The following PNKP variants were observed in gnomAD, a reference collection of about 807,000 sequenced individuals.
The protein encoded by PNKP is polynucleotide kinase 3'-phosphatase.
Under a neutral mutation model 66.2 loss-of-function variants are expected in PNKP, and 82 were observed. That is an observed-to-expected ratio of 1.24 (90% CI 1.04 to 1.49). The LOEUF is 1.49. PNKP is among the 40% of genes most tolerant of loss of function. PNKP has a pLI of 0.00. For missense variants in PNKP, 907 were observed against 706.8 expected (o/e 1.28, Z -3.21); for synonymous variants, 412 against 298.9 (o/e 1.38, Z -3.90).
At chr19:49,866,509 G>C (rs1412043246) in intron 2 of PNKP, 64 bp from the exon 3 acceptor site, 1 of 1,499,982 alleles carries the variant, frequency 6.7e-7, no homozygotes, top group Admixed American at 1.7e-5. Context: ...TCATTTCTGG[G>C]GAGTGTGGCC....
chr19:49,865,598 A>G (rs1479602156), intron 3 of PNKP, 172 bp from the exon 4 acceptor site: 5 of 527,886 alleles, frequency 9.5e-6, no homozygotes, highest in Non-Finnish European at 1.7e-5. Context: ...GCCTTGTCCG[A>G]ATCTTTTTTT....
rs772727116 is a variant in PNKP at position 49,862,408 on chromosome 19, C to T, written c.992G>A (p.Trp331Ter). 4.5e-6 allele frequency: 7 copies of T among 1,568,834 alleles called. No homozygotes were observed. Among genetic ancestry groups the T allele is most frequent in the Middle Eastern group, 1.7e-4 (1 of 5,910 alleles). Residue 331 changes from tryptophan (W) to a stop codon, truncating the protein, a stop_gained, in exon 11 of 17, where the codon TGG (tryptophan) becomes TAG (stop). Coordinates refer to ENST00000322344, the MANE Select transcript of PNKP (RefSeq NM_007254.4). LOFTEE classifies it high-confidence loss of function. ...TGGGAGCTCGAAGCCGGCTGCTGGC[C>T]ACTTGAGAAAGAACTCCTCAGGCGT... ...FATPEEFFLK[W>*]PAAGFELPAF...
At chr19:49,863,189 A>G (rs935125883) in intron 8 of PNKP, among the ~76,000 whole-genome samples, 1 of 151,836 alleles carries the variant, frequency 6.6e-6, no homozygotes, top group African/African-American at 2.4e-5. Context: ...TCACTCCCAC[A>G]AGGGGGGGGA....
Position 49,866,392 on chromosome 19 carries a change from C to G in PNKP, c.198+7G>C. 1.9e-6 allele frequency: 3 copies of G among 1,613,042 alleles called. No individual in the cohort carries two copies. Among genetic ancestry groups the G allele is most frequent in the Non-Finnish European group, 2.5e-6 (3 of 1,178,970 alleles). ...GGCCTTGCTGGCCCTTGCAGAGGCA[C>G]TGATACCTGTTTCACTGCCACTGTC... On this transcript the variant is annotated splice_region_variant and intron_variant, in intron 3 of 16. Transcript: ENST00000322344.
intron 14 of PNKP, 30 bp from the exon 15 acceptor site, chr19:49,861,725 C>G (rs1424445765): frequency 4.5e-6 from 7 of 1,548,914 alleles, no homozygotes; most frequent in African/African-American, 1.4e-5. Flanking sequence ...ATGTGCAGGC[C>G]CCGCCCACCC....
In PNKP at chr19:49,864,662, T is replaced by G. The variant is rs547766162; in HGVS notation, c.499-259A>C. On this transcript the variant is annotated intron_variant, in intron 4 of 16. Coordinates refer to ENST00000322344, the MANE Select transcript of PNKP (RefSeq NM_007254.4). ...ACAGTCTTTAAAATGGGGGTTAATGTCTTACCCAGCCTCCTTCTTCCCCTG... is the reference window on the plus strand; with the variant it reads ...ACAGTCTTTAAAATGGGGGTTAATGGCTTACCCAGCCTCCTTCTTCCCCTG... Among the ~76,000 whole-genome samples, 6 of 152,268 alleles carry G rather than the reference T, an allele frequency of 3.9e-5. No homozygotes were observed. In the East Asian group the frequency reaches 1.2e-3, roughly 29 times the overall value.
intron 3 of PNKP, 21 bp downstream of exon 3, chr19:49,866,378 C>G: frequency 6.2e-7 from 1 of 1,610,602 alleles, no homozygotes; most frequent in Non-Finnish European, 8.5e-7. Context: ...GCCTTGCTGG[C>G]CCTTGCAGAG....
Position 49,861,859 on chromosome 19 carries a change from C to T in PNKP, c.1211G>A (p.Arg404His), listed in dbSNP as rs549069697. 2.8e-5 allele frequency: 45 copies of T among 1,591,890 alleles called. No individual in the cohort carries two copies. In the African/African-American group the frequency reaches 3.5e-4, roughly 12 times the overall value. ...GGCTGTCTCACACGTGGTCACACAGCGCTGCCAGGAGCCTAGCGTGTCCTG... is the reference window on the plus strand; with the variant it reads ...GGCTGTCTCACACGTGGTCACACAGTGCTGCCAGGAGCCTAGCGTGTCCTG... ...VNRDTLGSWQ[R>H]CVTTCETALK... is the part of the protein sequence containing the mutation. Residue 404 changes from arginine to histidine, a missense_variant, in exon 14 of 17, where the codon CGC becomes CAC. By Grantham distance (29) the Arg-to-His change is conservative. Coordinates refer to ENST00000322344, the MANE Select transcript of PNKP (RefSeq NM_007254.4).
At position 49,862,523 on chromosome 19, in the gene PNKP, G is replaced by C. The variant is rs1408686073; in HGVS notation, c.936+15C>G. On this transcript the variant is annotated intron_variant, in intron 10 of 16. Transcript: ENST00000322344. ...GGGTCGGGCTCGGGCGCGGGGCAGG[G>C]GGCAGGGGCCTCACCAGGCGATCGG... 2 of 1,606,478 alleles carry C rather than the reference G, an allele frequency of 1.2e-6. No homozygotes were observed. The highest frequency in any genetic ancestry group is 1.3e-5 in the African/African-American group (1 of 74,878).
Position 49,862,165 on chromosome 19 carries a change from C to G in PNKP, c.1126+20G>C, listed in dbSNP as rs747411384. 6.2e-7 allele frequency: 1 copy of G among 1,613,690 alleles called. No individual in the cohort carries two copies. The highest frequency in any genetic ancestry group is 1.1e-5 in the South Asian group (1 of 91,070). Reference sequence around the variant, plus strand: ...ACCCAGGCGGGGCTCAGGGCACGCGCACAGGAACAGGACACTTACCCCCAG... The same window carrying G: ...ACCCAGGCGGGGCTCAGGGCACGCGGACAGGAACAGGACACTTACCCCCAG... On this transcript the variant is annotated intron_variant, in intron 12 of 16. Coordinates refer to ENST00000322344, the MANE Select transcript of PNKP (RefSeq NM_007254.4).
chr19:49,861,339 G>C lies in PNKP; in HGVS notation c.1475C>G (p.Ala492Gly). The C allele has an allele frequency of 1.2e-6, 2 of 1,614,200 alleles. No homozygotes were observed. The change falls in exon 17 of 17, where the codon GCT (alanine) becomes GGT (glycine). Residue 492 changes from alanine (A) to glycine (G), a missense_variant. Transcript: ENST00000322344. Reference sequence around the variant, plus strand: ...CTCCAGGATGGCAGAGAAGCCTTCAGCCAGCGTTGGGGCCTCGAACTGCTT... The same window carrying C: ...CTCCAGGATGGCAGAGAAGCCTTCACCCAGCGTTGGGGCCTCGAACTGCTT... ...YRKQFEAPTL[A>G]EGFSAILEIP...
At chr19:49,865,483 C>A in intron 3 of PNKP, 57 bp from the exon 4 acceptor site, 1 of 1,288,360 alleles carries the variant, frequency 7.8e-7, no homozygotes, top group African/African-American at 1.5e-5. Flanking sequence ...GAGCTTCCTC[C>A]AATCAAATAC....
At position 49,864,333 on chromosome 19, in the gene PNKP, C is replaced by T. The variant is rs1229433231; in HGVS notation, c.569G>A (p.Ser190Asn). 6.2e-7 allele frequency: 1 copy of T among 1,613,858 alleles called. No individual in the cohort carries two copies. Among genetic ancestry groups the T allele is most frequent in the East Asian group, 2.2e-5 (1 of 44,900 alleles). Residue 190 changes from serine to asparagine, a missense_variant, in exon 5 of 17, where the codon AGT becomes AAT. Coordinates refer to ENST00000322344, the MANE Select transcript of PNKP (RefSeq NM_007254.4). ...TTTTGCCTCTTATCACCTCCAGTCA[C>T]TGGGGCCAGTGGGAAAGACCTTCCC... Reference protein sequence around the residue: ...RSGKVFPTGPSDWRILYPEIP... With the variant: ...RSGKVFPTGPNDWRILYPEIP...
rs771883677 is a variant in PNKP, at chr19:49,862,237, C to T, written c.1074G>A (p.Arg358=). The T allele has an allele frequency of 1.9e-6, 3 of 1,611,572 alleles. No homozygotes were observed. The highest frequency in any genetic ancestry group is 1.7e-6 in the Non-Finnish European group (2 of 1,179,066). Residue 358 remains arginine, a synonymous_variant, in exon 12 of 17, where the codon AGG becomes AGA. Transcript: ENST00000322344. ...CCTCCGGGCTGGCGCTCAGGAGGGC[C>T]CTGGACTCGGGGAGGCAGAGAGGCC... ...RSGPLCLPES[R]ALLSASPEVV... is the part of the protein sequence containing the mutation.
chr19:49,864,667 C>T (rs2074805075), intron 4 of PNKP, among the ~76,000 whole-genome samples: 1 of 152,192 alleles, frequency 6.6e-6, no homozygotes, highest in African/African-American at 2.4e-5. Context: ...TAATGTCTTA[C>T]CCAGCCTCCT....
At position 49,867,061 on chromosome 19, in the gene PNKP, TC is replaced by T. The variant is rs766530579; in HGVS notation, c.143del (p.Arg48LysfsTer17). 3.7e-6 allele frequency: 6 copies of T among 1,613,938 alleles called. No homozygotes were observed. The highest frequency in any genetic ancestry group is 5.1e-6 in the Non-Finnish European group (6 of 1,179,968). The part of the protein sequence containing the change: ...LTQVTDRKCS[R>X]TQVELVADPE... ...AGCTCAGGCCCCGCTCACCTTGAGT[TC>T]TGGAGCACTTCCGGTCCGTAACCTG... On this transcript the variant is annotated frameshift_variant, in exon 2 of 17. Transcript: ENST00000322344. LOFTEE classifies it high-confidence loss of function.
Position 49,861,295 on chromosome 19 carries a change from C to A in PNKP, c.1519G>T (p.Val507Leu), listed in dbSNP as rs1305073855. The A allele has an allele frequency of 6.2e-7, 1 of 1,614,004 alleles. No individual in the cohort carries two copies. The highest frequency in any genetic ancestry group is 8.5e-7 in the Non-Finnish European group (1 of 1,179,914). The change falls in exon 17 of 17, where the codon GTG becomes TTG. Residue 507 changes from valine (V) to leucine (L), a missense_variant. Coordinates refer to ENST00000322344, the MANE Select transcript of PNKP (RefSeq NM_007254.4). ...TACAGCCGCCCCAGCCTCGGCTCCA[C>A]CCATAGCCGGAACGGGATCTCCAGG... Reference protein sequence around the residue: ...AILEIPFRLWVEPRLGRLYCQ... With the variant: ...AILEIPFRLWLEPRLGRLYCQ...
intron 1 of PNKP, 81 bp from the exon 2 acceptor site, chr19:49,867,298 G>C: frequency 7.1e-7 from 1 of 1,400,696 alleles, no homozygotes; most frequent in Non-Finnish European, 9.7e-7. Context: ...ACATCCACTA[G>C]AAAGTTTCCC....
Position 49,861,563 on chromosome 19 carries a change from G to A in PNKP, c.1386+45C>T, listed in dbSNP as rs1453494520. ...GCCCAGGGGTCAGGGGAGGAGGGGG[G>A]TCAGGGGGTGCAGCCCGGGGGGTGT... On this transcript the variant is annotated intron_variant, in intron 15 of 16. Transcript: ENST00000322344. 2 of 1,539,948 alleles carry A rather than the reference G, an allele frequency of 1.3e-6. No individual in the cohort carries two copies. The highest frequency in any genetic ancestry group is 2.4e-5 in the East Asian group (1 of 41,524).
Sources: gnomAD v4.1 joint callset for allele counts (sites outside exome capture counted in the v4.1 genomes callset) on GRCh38, gnomAD v4.1.1 for gene constraint, MANE v1.5 for transcripts, NCBI Gene and HGNC (gene_info 2026-07-23, HGNC 2026-07-21) for gene names.